The following GPD2 variants were observed in gnomAD, a reference collection of about 807,000 sequenced individuals.
GPD2 encodes the protein glycerol-3-phosphate dehydrogenase 2.
GPD2 carries 54 observed loss-of-function variants against 82.4 expected under a neutral mutation model. The ratio of observed to expected loss-of-function variants is 0.66; its 90% CI spans 0.53 to 0.82. GPD2 has a LOEUF of 0.82. Ranked by LOEUF, GPD2 falls within the 40% of genes least tolerant of loss-of-function variation. The pLI is 0.00. For missense variants in GPD2, 748 were observed against 896.2 expected (o/e 0.83, Z 2.11); for synonymous variants, 288 against 306.1 (o/e 0.94, Z 0.62).
At chr2:156,574,730 G>A (rs1687755647) in intron 13 of GPD2, among the ~76,000 whole-genome samples, 1 of 152,058 alleles carries the variant, frequency 6.6e-6, no homozygotes, top group Non-Finnish European at 1.5e-5. Context: ...TGAAAGGAGC[G>A]ATATCAGGAA....
intron 1 of GPD2, among the ~76,000 whole-genome samples, chr2:156,439,513 GA>G (rs1187242848): frequency 7.6e-3 from 239 of 31,620 alleles, no homozygotes; most frequent in Non-Finnish European, 0.01. Flanking sequence ...GACTGTCTCA[GA>G]AAAAAAAAAA....
intron 6 of GPD2, among the ~76,000 whole-genome samples, chr2:156,520,557 ATTGTTAT>A (rs1685363446): frequency 7.8e-6 from 1 of 128,436 alleles, no homozygotes; most frequent in Non-Finnish European, 1.6e-5. Flanking sequence ...AATTATTTTT[ATTGTTAT>A]TTATTTATTT....
intron 13 of GPD2, among the ~76,000 whole-genome samples, chr2:156,572,674 A>C (rs548077589): frequency 1.3e-5 from 2 of 152,358 alleles, no homozygotes; most frequent in East Asian, 3.9e-4. Flanking sequence ...AAGGCCAAGC[A>C]CTGGAGCACA....
At chr2:156,458,989 A>T (rs1477372291) in intron 1 of GPD2, among the ~76,000 whole-genome samples, 3 of 130,824 alleles carry the variant, frequency 2.3e-5, no homozygotes, top group Non-Finnish European at 4.8e-5. Context: ...GTGTATGTAC[A>T]TATACTTTAA....
At chr2:156,467,268 G>C (rs1683181657) in intron 1 of GPD2, among the ~76,000 whole-genome samples, 1 of 152,336 alleles carries the variant, frequency 6.6e-6, no homozygotes, top group East Asian at 1.9e-4. Flanking sequence ...TTTTGATAGG[G>C]TGTGGAAGTC....
chr2:156,480,464 C>T (rs1343105745), intron 2 of GPD2, among the ~76,000 whole-genome samples: 1 of 152,026 alleles, frequency 6.6e-6, no homozygotes, highest in African/African-American at 2.4e-5. Context: ...ACATTTATTT[C>T]ATACCTTCTA....
At chr2:156,577,890 C>T (rs539522324) in intron 13 of GPD2, among the ~76,000 whole-genome samples, 1 of 152,056 alleles carries the variant, frequency 6.6e-6, no homozygotes, top group African/African-American at 2.4e-5. Context: ...AGATGCTAAG[C>T]AAAACTATAA....
intron 6 of GPD2, among the ~76,000 whole-genome samples, chr2:156,541,770 T>C (rs1411555526): frequency 6.6e-6 from 1 of 151,722 alleles, no homozygotes; most frequent in Non-Finnish European, 1.5e-5. Context: ...TCAATTAATT[T>C]TGTCACATTG....
At chr2:156,555,688 A>G (rs1393061661) in intron 8 of GPD2, among the ~76,000 whole-genome samples, 2 of 152,238 alleles carry the variant, frequency 1.3e-5, no homozygotes, top group Non-Finnish European at 2.9e-5. Context: ...ATTTTTAGAT[A>G]GTTTTATGAT....
At chr2:156,401,454 C>T in the GPD2 span, among the ~76,000 whole-genome samples, 2 of 152,292 alleles carry the variant, frequency 1.3e-5, no homozygotes, top group Middle Eastern at 3.4e-3. Flanking sequence ...AAGATTTTGT[C>T]ATGTATGCAC....
intron 1 of GPD2, among the ~76,000 whole-genome samples, chr2:156,466,990 A>G (rs1683171837): frequency 6.6e-6 from 1 of 152,220 alleles, no homozygotes; most frequent in Non-Finnish European, 1.5e-5. Flanking sequence ...CTAAAATGAT[A>G]TAATTGACAT....
At chr2:156,429,756 G>T in the GPD2 span, among the ~76,000 whole-genome samples, 1 of 152,144 alleles carries the variant, frequency 6.6e-6, no homozygotes, top group Non-Finnish European at 1.5e-5. Context: ...GACATGGAAA[G>T]ATTTTCTGTT....
chr2:156,523,906 T>TTTA (rs1474195982), intron 6 of GPD2, among the ~76,000 whole-genome samples: 1 of 152,218 alleles, frequency 6.6e-6, no homozygotes, highest in Non-Finnish European at 1.5e-5. Context: ...ATCTCATAAC[T>TTTA]TTATTAGGCT....
rs775754331 is a variant in GPD2, at chr2:156,476,205, CAAGT to C, written c.102+5_102+8del. The C allele has an allele frequency of 2.6e-6, 4 of 1,518,910 alleles. No homozygotes were observed. The highest frequency in any genetic ancestry group is 1.7e-5 in the Admixed American group (1 of 59,918). The allele number at this position is 1,518,910 out of a possible 1,614,324, so 94.1% of individuals were successfully genotyped here. ...TCAGTTTGCTCATTACAGAAGGAAA[CAAGT>C]AAGTAACTGTACTTGTGTTGATTAC... On this transcript the variant is annotated splice_donor_variant and coding_sequence_variant, in exon 2 of 17. Transcript: ENST00000438166. LOFTEE classifies it high-confidence loss of function.
At chr2:156,537,353 A>G (rs1558949266) in intron 6 of GPD2, among the ~76,000 whole-genome samples, 1 of 152,184 alleles carries the variant, frequency 6.6e-6, no homozygotes, top group Non-Finnish European at 1.5e-5. Flanking sequence ...TTCTTTGACA[A>G]TAACCACTGG....
Position 156,569,410 on chromosome 2 carries a change from G to T in GPD2, c.1348G>T (p.Ala450Ser), listed in dbSNP as rs1159359284. The change falls in exon 11 of 17, where the codon GCT becomes TCT. Residue 450 changes from alanine to serine, a missense_variant. Coordinates refer to ENST00000438166, the MANE Select transcript of GPD2 (RefSeq NM_000408.5). ...GTCTATGGCAGAAGATACCATAAAT[G>T]CTGCTGTCAAAACTCATAATTTAAA... ...YRSMAEDTIN[A>S]AVKTHNLKAG... 3 of 1,611,200 alleles carry T rather than the reference G, an allele frequency of 1.9e-6. No individual in the cohort carries two copies. The highest frequency in any genetic ancestry group is 4.5e-5 in the East Asian group (2 of 44,860).
chr2:156,428,370 A>G, the GPD2 span, among the ~76,000 whole-genome samples: 1 of 152,364 alleles, frequency 6.6e-6, no homozygotes, highest in Admixed American at 6.5e-5. Context: ...TAGGAAGGCC[A>G]CCTTTGTGAG....
rs778885630 is a variant in GPD2 at position 156,569,468 on chromosome 2, T to C, written c.1406T>C (p.Leu469Pro). The C allele has an allele frequency of 1.9e-6, 3 of 1,612,620 alleles. No homozygotes were observed. The African/African-American group carries it at 4.0e-5, about 22-fold the overall frequency. ...AGPSRTVGLF[L>P]QGGKDWSPTL... is the part of the protein sequence containing the mutation. ...CCAAGTAGAACAGTTGGGCTTTTCC[T>C]TCAAGGGGGTAAAGATTGGAGCCCC... is the stretch of plus-strand genomic sequence containing the variant. Residue 469 changes from leucine to proline, a missense_variant, in exon 11 of 17, where the codon CTT (leucine) becomes CCT (proline). Leu to Pro is a moderately conservative substitution (Grantham distance 98, BLOSUM62 -3). This residue lies in a region of GPD2 where 692 missense variants were observed against 809.7 expected (regional missense o/e 0.85). Coordinates refer to ENST00000438166, the MANE Select transcript of GPD2 (RefSeq NM_000408.5).
chr2:156,453,578 C>G (rs191546156), intron 1 of GPD2, among the ~76,000 whole-genome samples: 143 of 152,218 alleles, frequency 9.4e-4, no homozygotes, highest in Non-Finnish European at 1.7e-3. Context: ...GGAATTGGAG[C>G]CTTCATGTAG....
Sources: allele counts gnomAD v4.1 joint callset (sites outside exome capture counted in the v4.1 genomes callset), GRCh38; gene constraint gnomAD v4.1.1; regional missense constraint gnomAD v4.1.1; transcripts MANE v1.5; gene names NCBI Gene and HGNC (gene_info 2026-07-23, HGNC 2026-07-21).